The following CFAP99 variants were observed in gnomAD, a reference collection of about 807,000 sequenced individuals.
CFAP99 encodes the protein cilia- and flagella-associated protein 99.
CFAP99 carries 84 observed loss-of-function variants against 82.7 expected under a neutral mutation model. That is an observed-to-expected ratio of 1.02 (90% confidence interval 0.85 to 1.22). The LOEUF (loss-of-function observed/expected upper bound fraction) is 1.22, where lower values mean the gene tolerates loss of function less well. Ranked by LOEUF, CFAP99 falls within the 50% of genes most tolerant of loss-of-function variation. The pLI is 0.00. For missense variants in CFAP99, 1,059 were observed against 983.5 expected (o/e 1.08, Z -1.03); for synonymous variants, 456 against 429.5 (o/e 1.06, Z -0.76).
At chr4:2,447,571 G>A (rs1734193860) in intron 6 of CFAP99, among the ~76,000 whole-genome samples, 1 of 151,484 alleles carries the variant, frequency 6.6e-6, no homozygotes, top group Non-Finnish European at 1.5e-5. Context: ...ATGATGAGAT[G>A]AGTTTATGGA....
intron 7 of CFAP99, 67 bp downstream of exon 7, chr4:2,449,817 G>C (rs1315593502): frequency 5.2e-6 from 8 of 1,531,050 alleles, no homozygotes; most frequent in Non-Finnish European, 7.0e-6. Context: ...GGAAGGTGGG[G>C]TGGGGAGAGG....
rs889969452 is a variant in CFAP99 at position 2,419,488 on chromosome 4, C to T, written c.-18+395C>T. Among the ~76,000 whole-genome samples, 8 of 152,176 alleles carry T rather than the reference C, an allele frequency of 5.3e-5. No individual in the cohort carries two copies. In the East Asian group the frequency reaches 9.6e-4, roughly 18 times the overall value. On this transcript the variant is annotated intron_variant, in intron 1 of 14. Coordinates refer to ENST00000635017, the Ensembl canonical transcript of CFAP99. ...GGCTGTGGGGGTTGCATCCAGATCACGGCGGATCTGGGTCGGCCTGACCCC... is the reference window on the plus strand; with the variant it reads ...GGCTGTGGGGGTTGCATCCAGATCATGGCGGATCTGGGTCGGCCTGACCCC...
At chr4:2,422,177 AG>A (rs1056799568) in intron 1 of CFAP99, among the ~76,000 whole-genome samples, 3 of 152,224 alleles carry the variant, frequency 2.0e-5, no homozygotes, top group Non-Finnish European at 2.9e-5. Flanking sequence ...TGAAGTTCCT[AG>A]GCTAATTTCA....
intron 6 of CFAP99, among the ~76,000 whole-genome samples, chr4:2,449,391 C>T (rs553041127): frequency 1.6e-4 from 24 of 152,190 alleles, no homozygotes; most frequent in African/African-American, 5.8e-4. Context: ...GCCGATGGTA[C>T]GCCCTCAGTA....
In CFAP99 at chr4:2,426,454, C is replaced by A; in HGVS notation, c.-17-5C>A. The A allele has an allele frequency of 6.6e-7, 1 of 1,520,310 alleles. No homozygotes were observed. Among genetic ancestry groups the A allele is most frequent in the South Asian group, 1.2e-5 (1 of 83,696 alleles). 94.2% of individuals were successfully genotyped at this position (1,520,310 alleles called of 1,614,324 possible). On this transcript the variant is annotated splice_polypyrimidine_tract_variant and splice_region_variant and intron_variant, in intron 1 of 14. Coordinates refer to ENST00000635017, the Ensembl canonical transcript of CFAP99. ...GAGGGCGTGACCTGCACGGTTTGTT[C>A]TTAGGCTTCTGCCCTAAGAAGATGG...
chr4:2,431,655 C>G (rs988874790), intron 2 of CFAP99, among the ~76,000 whole-genome samples: 4 of 152,130 alleles, frequency 2.6e-5, no homozygotes, highest in African/African-American at 9.7e-5. Flanking sequence ...AGGTAGGGAG[C>G]ACTTGTTCCC....
intron 14 of CFAP99, 114 bp downstream of exon 14, chr4:2,460,356 G>A: frequency 2.1e-6 from 2 of 950,242 alleles, no homozygotes; most frequent in Non-Finnish European, 3.2e-6. Context: ...TCCTGCCCAG[G>A]AAGTTCCCTT....
At chr4:2,444,144 A>G (rs1365693503) in intron 5 of CFAP99, among the ~76,000 whole-genome samples, 1 of 152,088 alleles carries the variant, frequency 6.6e-6, no homozygotes, top group Admixed American at 6.5e-5. Context: ...ACTCCTGGCA[A>G]TCAAGATAAA....
rs112340263 is a variant in CFAP99 at position 2,446,362 on chromosome 4, A to ATTG, written c.642+1060_642+1062dup. ...TATTCTCTTTTTATTTCATTTTATT[A>ATTG]TTGTTGTTATTATTATTATTATTAT... is the stretch of plus-strand genomic sequence containing the variant. On this transcript the variant is annotated intron_variant, in intron 6 of 14. Transcript: ENST00000635017. This position sits in a 1 kb window ranked among gnomAD's most constrained non-coding sequence, Gnocchi z 5.0. Among the ~76,000 whole-genome samples, 35 of 147,140 alleles carry ATTG rather than the reference A, an allele frequency of 2.4e-4. No homozygotes were observed. Among genetic ancestry groups the ATTG allele is most frequent in the African/African-American group, 7.9e-4 (31 of 39,140 alleles).
intron 1 of CFAP99, 91 bp from the exon 2 acceptor site, chr4:2,426,368 C>G: frequency 1.2e-6 from 1 of 803,214 alleles, no homozygotes; most frequent in African/African-American, 1.7e-5. Flanking sequence ...GCTACAGGCC[C>G]AACACCCTGG....
At chr4:2,431,095 G>A (rs554184480) in intron 2 of CFAP99, among the ~76,000 whole-genome samples, 12 of 149,886 alleles carry the variant, frequency 8.0e-5, no homozygotes, top group East Asian at 2.0e-4. Context: ...TTGGCCGGGC[G>A]CGGTGGCTCA....
intron 4 of CFAP99, among the ~76,000 whole-genome samples, chr4:2,442,799 C>G (rs1400880888): frequency 6.6e-6 from 1 of 152,180 alleles, no homozygotes; most frequent in African/African-American, 2.4e-5. Context: ...AGCCAAGGTC[C>G]AGGCCTCCAG....
intron 5 of CFAP99, among the ~76,000 whole-genome samples, chr4:2,443,544 G>A (rs1364294303): frequency 6.6e-6 from 1 of 152,218 alleles, no homozygotes; most frequent in African/African-American, 2.4e-5. Context: ...CTGAGTGAAT[G>A]GGGCAGAGCC....
At chr4:2,439,946 T>G (rs1180873376) in intron 4 of CFAP99, among the ~76,000 whole-genome samples, 2 of 148,620 alleles carry the variant, frequency 1.3e-5, no homozygotes, top group Non-Finnish European at 3.0e-5. Flanking sequence ...TGGGTTCAAG[T>G]GATTCTCCTG....
chr4:2,460,090 G>T (rs1310881269), exon 14 of CFAP99: 10 of 1,535,996 alleles, frequency 6.5e-6, no homozygotes, highest in Non-Finnish European at 8.7e-6. Context: ...TGCGAGAGCG[G>T]CTGGCCCTGC....
intron 8 of CFAP99, chr4:2,450,467 A>C: frequency 3.7e-6 from 1 of 273,672 alleles, no homozygotes; most frequent in African/African-American, 2.2e-5. Context: ...CATATGGTGC[A>C]TGCCGCGGGG....
At chr4:2,436,788 C>T in intron 2 of CFAP99, 86 bp from the exon 3 acceptor site, 1 of 1,140,084 alleles carries the variant, frequency 8.8e-7, no homozygotes, top group Non-Finnish European at 1.3e-6. Flanking sequence ...CCGCTCCACC[C>T]CTGCCTTTGC....
intron 3 of CFAP99, among the ~76,000 whole-genome samples, chr4:2,437,464 G>A (rs1166398489): frequency 1.3e-5 from 2 of 152,202 alleles, no homozygotes; most frequent in Admixed American, 1.3e-4. Flanking sequence ...GGCGACCATT[G>A]CAAGCCAGGT....
At chr4:2,445,251 C>A in exon 6 of CFAP99, 1 of 1,442,350 alleles carries the variant, frequency 6.9e-7, no homozygotes, top group Non-Finnish European at 9.1e-7. Context: ...TGACTGCCCC[C>A]AGGCCCCGCA....
Sources: gnomAD v4.1 joint callset for allele counts (sites outside exome capture counted in the v4.1 genomes callset) on GRCh38, gnomAD v4.1.1 for gene constraint, Gnocchi (gnomAD v3.1) non-coding constraint, MANE v1.5 for transcripts, NCBI Gene and HGNC (gene_info 2026-07-23, HGNC 2026-07-21) for gene names.